LARP4: variants seen among roughly 807,000 people sequenced by gnomAD.
LARP4 encodes the protein La ribonucleoprotein 4.
LARP4 carries 29 observed loss-of-function variants against 92.9 expected under a neutral mutation model. The ratio of observed to expected loss-of-function variants is 0.31; its 90% CI spans 0.23 to 0.43. The LOEUF (loss-of-function observed/expected upper bound fraction) is 0.43. Ranked by LOEUF, LARP4 falls within the 20% of genes least tolerant of loss-of-function variation. The probability of loss-of-function intolerance (pLI) is 1.00; values close to 1 mark genes in which losing one functional copy is unlikely to be tolerated. For synonymous variants in LARP4, 279 were observed against 284.1 expected (o/e 0.98, Z 0.18); for missense variants, 732 against 860.0 (o/e 0.85, Z 1.86).
chr12:50,458,003 G>A (rs1006596230), intron 10 of LARP4, among the ~76,000 whole-genome samples: 10 of 150,192 alleles, frequency 6.7e-5, no homozygotes, highest in Non-Finnish European at 1.5e-4. Context: ...ACATGATCAT[G>A]GCTCACTGTA....
chr12:50,401,043 C>T lies in LARP4; in HGVS notation c.18+15C>T, dbSNP rs760123259. The T allele has an allele frequency of 1.2e-6, 2 of 1,613,976 alleles. No homozygotes were observed. Among genetic ancestry groups the T allele is most frequent in the Non-Finnish European group, 1.7e-6 (2 of 1,179,916 alleles). ...TTTTCGTGGAGGTGAGTGCATTATG[C>T]TAGTCTCGTCCTGCTCTTAGGAGAG... On this transcript the variant is annotated intron_variant, in intron 1 of 15. Transcript: ENST00000398473.
Position 50,479,386 on chromosome 12 carries a change from A to T in LARP4, c.*3522A>T, listed in dbSNP as rs1261033167. On this transcript the variant is annotated 3_prime_UTR_variant, in exon 16 of 16. Coordinates refer to ENST00000398473, the MANE Select transcript of LARP4 (RefSeq NM_052879.5). Reference sequence around the variant, plus strand: ...TATAATATATGATGGATTTTTTCCTAATTTTTTATATTTCCTTACAATTTT... The same window carrying T: ...TATAATATATGATGGATTTTTTCCTTATTTTTTATATTTCCTTACAATTTT... 2 of 152,120 alleles carry T rather than the reference A, an allele frequency of 1.3e-5. No individual in the cohort carries two copies. The highest frequency in any genetic ancestry group is 3.9e-4 in the East Asian group (2 of 5,194). The allele number at this position is 152,120 out of a possible 1,614,324, so 9.4% of individuals were successfully genotyped here.
chr12:50,405,220 C>G (rs1374308818), intron 1 of LARP4, among the ~76,000 whole-genome samples: 1 of 152,018 alleles, frequency 6.6e-6, no homozygotes, highest in Admixed American at 6.6e-5. Flanking sequence ...CACCTCTGTT[C>G]TGAAGGAGAA....
At chr12:50,424,787 G>A (rs948989150) in intron 1 of LARP4, among the ~76,000 whole-genome samples, 5 of 152,170 alleles carry the variant, frequency 3.3e-5, no homozygotes, top group Admixed American at 2.0e-4. Context: ...GTTCATATTA[G>A]AGCTGTTTTT....
At chr12:50,401,256 A>C in intron 1 of LARP4, 2 of 592,732 alleles carry the variant, frequency 3.4e-6, no homozygotes, top group Non-Finnish European at 6.1e-6. Context: ...TGAAGGAGAA[A>C]AACGGAGGGC....
In LARP4 at chr12:50,420,295, A is replaced by G. The variant is rs983794138; in HGVS notation, c.19-7467A>G. ...GTGAACTGGAAGAACGATCGTAAGA[A>G]ATTGTTCAGAATGCAACTAGAGAGA... On this transcript the variant is annotated intron_variant, in intron 1 of 15. Transcript: ENST00000398473. 1.1e-3 allele frequency among the ~76,000 whole-genome samples: 161 copies of G among 152,230 alleles called. 1 individual carries two copies. Among genetic ancestry groups the G allele is most frequent in the Non-Finnish European group, 2.1e-4 (14 of 68,038 alleles).
intron 8 of LARP4, among the ~76,000 whole-genome samples, chr12:50,443,680 C>T (rs1395531986): frequency 6.6e-6 from 1 of 152,154 alleles, no homozygotes; most frequent in Non-Finnish European, 1.5e-5. Context: ...GGCACAATCT[C>T]AGCTCAATGC....
chr12:50,428,802 T>G, intron 2 of LARP4, 133 bp from the exon 3 acceptor site: 1 of 642,986 alleles, frequency 1.6e-6, no homozygotes. Flanking sequence ...TAACTCTTGC[T>G]TAAAACCATG....
In LARP4 at chr12:50,454,325, C is replaced by T; in HGVS notation, c.1029C>T (p.Pro343=). Residue 343 remains proline, a synonymous_variant, in exon 10 of 16, where the codon CCC becomes CCT. Coordinates refer to ENST00000398473, the MANE Select transcript of LARP4 (RefSeq NM_052879.5). ...PYFETPLAPF[P]NGSFVNGFNS... ...ACATTTTTTTCTAGGCTCCCTTTCC[C>T]AATGGTAGTTTTGTGAATGGCTTTA... 6.2e-7 allele frequency: 1 copy of T among 1,611,796 alleles called. No individual in the cohort carries two copies. The highest frequency in any genetic ancestry group is 8.5e-7 in the Non-Finnish European group (1 of 1,178,998).
At chr12:50,430,454 C>T (rs751918147) in intron 3 of LARP4, 41 bp from the exon 4 acceptor site, 4 of 1,102,432 alleles carry the variant, frequency 3.6e-6, no homozygotes, top group Non-Finnish European at 5.5e-6. Context: ...CCTCTACTAA[C>T]ATGCTATTAA....
intron 1 of LARP4, among the ~76,000 whole-genome samples, chr12:50,422,421 AT>A (rs1947961670): frequency 6.6e-6 from 1 of 152,242 alleles, no homozygotes; most frequent in East Asian, 1.9e-4. Context: ...GTTTTCATAC[AT>A]TTCCATATTT....
intron 1 of LARP4, among the ~76,000 whole-genome samples, chr12:50,408,187 CTTTTTTTTTTTTTT>C (rs71083565): frequency 5.8e-5 from 4 of 69,260 alleles, no homozygotes; most frequent in East Asian, 6.4e-4. Context: ...GGATTTTCTG[CTTTTTTTTTTTTTT>C]TTTTTTTTTT....
rs1400380577 is a variant in LARP4, at chr12:50,422,993, T to G, written c.19-4769T>G. On this transcript the variant is annotated intron_variant, in intron 1 of 15. Coordinates refer to ENST00000398473, the MANE Select transcript of LARP4 (RefSeq NM_052879.5). ...CCACCATGCTTGGCTAATTTTTTTG[T>G]ATGTTTAGTAGCGACGGGGTTTCGT... is the stretch of plus-strand genomic sequence containing the variant. 4.6e-5 allele frequency among the ~76,000 whole-genome samples: 7 copies of G among 151,866 alleles called. No homozygotes were observed. In the East Asian group the frequency reaches 1.4e-3, roughly 29 times the overall value.
intron 1 of LARP4, among the ~76,000 whole-genome samples, chr12:50,406,742 A>T (rs1944910124): frequency 6.6e-6 from 1 of 152,016 alleles, no homozygotes; most frequent in Non-Finnish European, 1.5e-5. Flanking sequence ...TTTGAGAGAG[A>T]ATCTTGCTCT....
rs1254252980 is a variant in LARP4, at chr12:50,462,672, G to C, written c.1383+42G>C. 4 of 1,286,762 alleles carry C rather than the reference G, an allele frequency of 3.1e-6. No individual in the cohort carries two copies. The Middle Eastern group carries it at 5.7e-4, about 182-fold the overall frequency. 79.7% of individuals were successfully genotyped at this position (1,286,762 alleles called of 1,614,324 possible). The stretch of plus-strand genomic sequence containing the variant: ...TTTTATTCAGACTTTTTTCTCTTCT[G>C]TGATTTACTATGGCATTGACTTTCG... On this transcript the variant is annotated intron_variant, in intron 12 of 15. Coordinates refer to ENST00000398473, the MANE Select transcript of LARP4 (RefSeq NM_052879.5).
Position 50,474,098 on chromosome 12 carries a change from G to A in LARP4, c.1767G>A (p.Lys589=), listed in dbSNP as rs772162949. 3.7e-6 allele frequency: 6 copies of A among 1,612,984 alleles called. No individual in the cohort carries two copies. Among genetic ancestry groups the A allele is most frequent in the African/African-American group, 2.7e-5 (2 of 74,826 alleles). Residue 589 remains lysine (K), a synonymous_variant, in exon 15 of 16, where the codon AAG becomes AAA. Transcript: ENST00000398473. ...TIPVSPPSTT[K]PSRASTASPC... ...CAGTTTCTCCTCCAAGTACTACAAA[G>A]CCATCGAGGGCAAGTACTGCTTCAC...
intron 8 of LARP4, among the ~76,000 whole-genome samples, chr12:50,448,143 G>A (rs1952532416): frequency 6.6e-6 from 1 of 152,158 alleles, no homozygotes; most frequent in South Asian, 2.1e-4. Context: ...GGGATTACAG[G>A]AGTGAGCCAC....
rs1045573008 is a variant in LARP4, at chr12:50,400,902, G to C, written c.-109G>C. ...AGGGGAGGAGCCGGGTCCACTGCCG[G>C]GTGGAGGGGCAAGGCGAGTGTGTGT... On this transcript the variant is annotated 5_prime_UTR_variant, in exon 1 of 16. Transcript: ENST00000398473. The C allele has an allele frequency of 1.3e-6, 2 of 1,491,998 alleles. No homozygotes were observed. Among genetic ancestry groups the C allele is most frequent in the African/African-American group, 2.8e-5 (2 of 72,452 alleles). The allele number at this position is 1,491,998 out of a possible 1,614,324, so 92.4% of individuals were successfully genotyped here.
chr12:50,464,367 A>G (rs868236043), intron 12 of LARP4, among the ~76,000 whole-genome samples: 1 of 152,228 alleles, frequency 6.6e-6, no homozygotes, highest in Admixed American at 6.5e-5. Context: ...AAAGAAGAAA[A>G]TATGTTCCAT....
Sources: gnomAD v4.1 joint callset for allele counts (sites outside exome capture counted in the v4.1 genomes callset) on GRCh38, gnomAD v4.1.1 for gene constraint, MANE v1.5 for transcripts, NCBI Gene and HGNC (gene_info 2026-07-23, HGNC 2026-07-21) for gene names.